CDH17: variants seen among roughly 807,000 people sequenced by gnomAD.
CDH17 encodes the protein cadherin-17.
Under a neutral mutation model 86.3 loss-of-function variants are expected in CDH17, and 67 were observed. That is an observed-to-expected ratio of 0.78 (90% CI 0.64 to 0.95). The LOEUF is 0.95. Among genes scored for constraint, CDH17 ranks in the 40% least tolerant of loss-of-function variants. The probability of loss-of-function intolerance (pLI) is 0.00; values close to 1 mark genes in which losing one functional copy is unlikely to be tolerated. For missense variants in CDH17, 993 were observed against 1,017.6 expected (o/e 0.98, Z 0.33); for synonymous variants, 367 against 366.4 (o/e 1.00, Z -0.02).
At chr8:94,156,162 C>A (rs1385618096) in intron 12 of CDH17, among the ~76,000 whole-genome samples, 1 of 152,156 alleles carries the variant, frequency 6.6e-6, no homozygotes, top group Non-Finnish European at 1.5e-5. Context: ...GTGCACAAAA[C>A]CGCCTGAAAG....
intron 15 of CDH17, among the ~76,000 whole-genome samples, chr8:94,133,709 TGA>T (rs1326936982): frequency 1.3e-5 from 2 of 152,208 alleles, no homozygotes; most frequent in Non-Finnish European, 2.9e-5. Flanking sequence ...ATAGGAGTGG[TGA>T]GAGAGGGCAT....
chr8:94,138,154 A>C (rs1339024198), intron 15 of CDH17, among the ~76,000 whole-genome samples: 4 of 152,192 alleles, frequency 2.6e-5, no homozygotes. Context: ...TACAATTCAC[A>C]CTTATGCCCT....
chr8:94,163,732 A>G (rs142904101), intron 10 of CDH17, among the ~76,000 whole-genome samples: 88 of 152,364 alleles, frequency 5.8e-4, no homozygotes, highest in Non-Finnish European at 1.1e-3. Context: ...TGCACTGGAC[A>G]TGATCCCAGG....
intron 12 of CDH17, among the ~76,000 whole-genome samples, chr8:94,157,820 G>A (rs1236154253): frequency 1.3e-5 from 2 of 152,198 alleles, no homozygotes; most frequent in African/African-American, 4.8e-5. Flanking sequence ...GGAGGCTGAG[G>A]TGGGAGGATT....
intron 7 of CDH17, among the ~76,000 whole-genome samples, chr8:94,173,431 C>A (rs1376059691): frequency 6.6e-6 from 1 of 152,134 alleles, no homozygotes. Flanking sequence ...GCTCCTGCTC[C>A]CCCTTTGCCT....
chr8:94,128,010 G>A lies in CDH17; in HGVS notation c.*230C>T. Reference sequence around the variant, plus strand: ...TAGGAAGCTGAGGCAGGAGAATCATGTGAACCCAGGAGGCGGAGGTTGCAG... The same window carrying A: ...TAGGAAGCTGAGGCAGGAGAATCATATGAACCCAGGAGGCGGAGGTTGCAG... On this transcript the variant is annotated 3_prime_UTR_variant, in exon 18 of 18. Transcript: ENST00000027335. 1 of 388,572 alleles carries A rather than the reference G, an allele frequency of 2.6e-6. No homozygotes were observed. The highest frequency in any genetic ancestry group is 4.6e-6 in the Non-Finnish European group (1 of 216,136). 24.1% of individuals were successfully genotyped at this position (388,572 alleles called of 1,614,324 possible).
At chr8:94,174,355 T>C (rs1290293205) in intron 5 of CDH17, 95 bp from the exon 6 acceptor site, 5 of 1,221,006 alleles carry the variant, frequency 4.1e-6, no homozygotes, top group East Asian at 4.7e-5. Flanking sequence ...AAAGTGGAGA[T>C]ATAATAGGGA....
intron 2 of CDH17, among the ~76,000 whole-genome samples, chr8:94,194,048 T>A (rs1295218037): frequency 6.6e-6 from 1 of 152,010 alleles, no homozygotes; most frequent in African/African-American, 2.4e-5. Flanking sequence ...ACGTAGATTT[T>A]AAAAAAAGGC....
intron 15 of CDH17, among the ~76,000 whole-genome samples, chr8:94,135,909 A>G (rs1812514200): frequency 1.3e-5 from 2 of 152,172 alleles, no homozygotes; most frequent in Admixed American, 6.5e-5. Flanking sequence ...TCCTTCACTT[A>G]TGAAGCTTAG....
chr8:94,172,490 C>T (rs959584267), intron 7 of CDH17, among the ~76,000 whole-genome samples: 2 of 151,750 alleles, frequency 1.3e-5, no homozygotes, highest in East Asian at 3.9e-4. Context: ...ATAATAATAC[C>T]TTTTATATCT....
chr8:94,193,607 C>T (rs1162947883), intron 2 of CDH17, among the ~76,000 whole-genome samples: 1 of 152,142 alleles, frequency 6.6e-6, no homozygotes, highest in African/African-American at 2.4e-5. Flanking sequence ...CTGAATTTGT[C>T]ACTACCCTGG....
At position 94,160,882 on chromosome 8, in the gene CDH17, C is replaced by G. The variant is rs577026449; in HGVS notation, c.1360-720G>C. ...GAAGTAAAACCCACCAAGGGTCACA[C>G]AGCTAGTGGGTCAAAGGGATTGGGA... On this transcript the variant is annotated intron_variant, in intron 11 of 17. Transcript: ENST00000027335. Among the ~76,000 whole-genome samples the G allele has an allele frequency of 2.0e-5, 3 of 152,350 alleles. No homozygotes were observed. The South Asian group carries it at 6.2e-4, about 32-fold the overall frequency.
chr8:94,173,932 C>T lies in CDH17; in HGVS notation c.648G>A (p.Met216Ile). 1 of 1,613,742 alleles carries T rather than the reference C, an allele frequency of 6.2e-7. No homozygotes were observed. The highest frequency in any genetic ancestry group is 1.3e-5 in the African/African-American group (1 of 75,012). The change falls in exon 7 of 18, where the codon ATG (methionine) becomes ATA (isoleucine). Residue 216 changes from methionine (M) to isoleucine (I), a missense_variant. Met to Ile is a conservative substitution (Grantham distance 10). Coordinates refer to ENST00000027335, the MANE Select transcript of CDH17 (RefSeq NM_004063.4). ...SYNLVISVKD[M>I]GGQSENSFSD... Reference sequence around the variant, plus strand: ...TGAAGGAATTCTCACTCTGGCCTCCCATGTCCTTCACTGAGATCACCAGAT... The same window carrying T: ...TGAAGGAATTCTCACTCTGGCCTCCTATGTCCTTCACTGAGATCACCAGAT...
At chr8:94,210,222 C>T (rs1255528558), upstream of CDH17, among the ~76,000 whole-genome samples, 3 of 42,404 alleles carry the variant, frequency 7.1e-5, no homozygotes, top group African/African-American at 1.0e-4. Flanking sequence ...CAGCTTTATG[C>T]GAGTAAAAAA....
intron 2 of CDH17, 24 bp downstream of exon 2, chr8:94,194,611 G>A (rs1271436543): frequency 2.6e-6 from 4 of 1,519,378 alleles, no homozygotes; most frequent in Non-Finnish European, 3.6e-6. Context: ...TAAACAAATA[G>A]AGAAGAACAC....
intron 4 of CDH17, 84 bp downstream of exon 4, chr8:94,177,503 G>A (rs1813397281): frequency 1.4e-6 from 2 of 1,415,774 alleles, no homozygotes; most frequent in Admixed American, 3.6e-5. Context: ...TTCTGTGCAA[G>A]GAAGGAAGGT....
rs569860255 is a variant in CDH17 at position 94,138,979 on chromosome 8, A to T, written c.2167+6949T>A. Among the ~76,000 whole-genome samples, 8 of 152,348 alleles carry T rather than the reference A, an allele frequency of 5.3e-5. No individual in the cohort carries two copies. The South Asian group carries it at 1.7e-3, about 32-fold the overall frequency. ...GTCTGGCATTTAATAAAAAATTGCC[A>T]GACATTCAGTAAAAGAGAAAAATAT... On this transcript the variant is annotated intron_variant, in intron 15 of 17. Coordinates refer to ENST00000027335, the MANE Select transcript of CDH17 (RefSeq NM_004063.4).
chr8:94,137,377 C>G (rs2340021), intron 15 of CDH17, among the ~76,000 whole-genome samples: 27,119 of 152,162 alleles, frequency 0.18, 2,721 homozygotes, highest in South Asian at 0.33. Flanking sequence ...AGGCTGCCAC[C>G]TTGCAATTTG....
At chr8:94,147,483 G>A (rs1812766130) in intron 14 of CDH17, among the ~76,000 whole-genome samples, 1 of 151,976 alleles carries the variant, frequency 6.6e-6, no homozygotes, top group Admixed American at 6.6e-5. Flanking sequence ...CATTTTGAAA[G>A]TTTTTTTCCG....
Sources: allele counts gnomAD v4.1 joint callset (sites outside exome capture counted in the v4.1 genomes callset), GRCh38; gene constraint gnomAD v4.1.1; transcripts MANE v1.5; gene names NCBI Gene and HGNC (gene_info 2026-07-23, HGNC 2026-07-21).